Variants in AK8 observed in about 807,000 individuals in gnomAD.
AK8 encodes adenylate kinase 8, also known as ATP-AMP transphosphorylase 8.
Under a neutral mutation model 54.6 loss-of-function variants are expected in AK8, and 44 were observed. The observed-to-expected ratio is 0.81, with a 90% CI of 0.63 to 1.04. AK8 has a LOEUF of 1.04. AK8 is among the 50% of genes least tolerant of loss of function. AK8 has a pLI of 0.00. For missense variants in AK8, 555 were observed against 613.6 expected (o/e 0.90, Z 1.01); for synonymous variants, 239 against 245.6 (o/e 0.97, Z 0.25).
chr9:132,855,097 C>A (rs964832451), intron 4 of AK8, among the ~76,000 whole-genome samples, 172 bp from the exon 5 acceptor site: 1 of 152,114 alleles, frequency 6.6e-6, no homozygotes, highest in South Asian at 2.1e-4. Flanking sequence ...TCTTCTCCCC[C>A]CAGCATCTTT....
intron 5 of AK8, among the ~76,000 whole-genome samples, chr9:132,848,372 T>A (rs1018595293): frequency 2.0e-5 from 3 of 152,054 alleles, no homozygotes; most frequent in Non-Finnish European, 2.9e-5. Context: ...GTAAAAGAGG[T>A]GGGAAACCTT....
intron 9 of AK8, among the ~76,000 whole-genome samples, chr9:132,816,771 C>A (rs1402700456): frequency 6.6e-6 from 1 of 152,164 alleles, no homozygotes; most frequent in Non-Finnish European, 1.5e-5. Flanking sequence ...CATAGTCATC[C>A]TGGATTTCTA....
intron 2 of AK8, among the ~76,000 whole-genome samples, chr9:132,869,934 C>A (rs1001249306): frequency 6.6e-6 from 1 of 152,156 alleles, no homozygotes; most frequent in African/African-American, 2.4e-5. Context: ...AACCTGGGTC[C>A]ACTCATGCAC....
At chr9:132,752,473 T>G (rs1837980538) in intron 11 of AK8, among the ~76,000 whole-genome samples, 1 of 152,066 alleles carries the variant, frequency 6.6e-6, no homozygotes, top group Non-Finnish European at 1.5e-5. Flanking sequence ...ATGGTCTCGA[T>G]CTCCTGACCT....
chr9:132,828,604 C>T, intron 6 of AK8, 41 bp downstream of exon 6: 2 of 1,576,382 alleles, frequency 1.3e-6, no homozygotes, highest in Non-Finnish European at 1.7e-6. Flanking sequence ...CCCCTTGGGG[C>T]TGCAGCTCTG....
chr9:132,726,063 T>G (rs1836552351), intron 12 of AK8, 138 bp from the exon 13 acceptor site: 1 of 698,666 alleles, frequency 1.4e-6, no homozygotes, highest in South Asian at 1.8e-5. Context: ...TACTGTGTAC[T>G]GCTGTGTGCA....
At chr9:132,745,064 T>G (rs935478969) in intron 11 of AK8, among the ~76,000 whole-genome samples, 1 of 152,170 alleles carries the variant, frequency 6.6e-6, no homozygotes, top group African/African-American at 2.4e-5. Flanking sequence ...CCCCCACCTA[T>G]TTCCCCTTCT....
rs1294171736 is a variant in AK8 at position 132,828,627 on chromosome 9, C to A, written c.484+18G>T. ...GGCTGCAGCTCTGGCAGGTGGGGGACCCTTGGGAGCTACTCACTGACGTGT... is the reference window on the plus strand; with the variant it reads ...GGCTGCAGCTCTGGCAGGTGGGGGAACCTTGGGAGCTACTCACTGACGTGT... On this transcript the variant is annotated intron_variant, in intron 6 of 12. Transcript: ENST00000298545. 2 of 1,606,264 alleles carry A rather than the reference C, an allele frequency of 1.2e-6. No homozygotes were observed. Among genetic ancestry groups the A allele is most frequent in the East Asian group, 4.5e-5 (2 of 44,744 alleles).
chr9:132,786,723 G>A (rs1353538668), intron 11 of AK8, among the ~76,000 whole-genome samples: 4 of 152,018 alleles, frequency 2.6e-5, no homozygotes, highest in Non-Finnish European at 5.9e-5. Context: ...ATTCTTAGAC[G>A]TGAGCAAACA....
chr9:132,735,673 C>T (rs111782178), intron 11 of AK8, among the ~76,000 whole-genome samples: 3 of 152,196 alleles, frequency 2.0e-5, no homozygotes, highest in East Asian at 1.9e-4. Flanking sequence ...GCTGGCTCCT[C>T]GAAAAATTAA....
chr9:132,741,614 G>A (rs143948036), intron 11 of AK8, among the ~76,000 whole-genome samples: 57 of 152,280 alleles, frequency 3.7e-4, no homozygotes, highest in African/African-American at 1.1e-3. Flanking sequence ...CTGAAGCATC[G>A]TGAGGGTCTT....
intron 11 of AK8, among the ~76,000 whole-genome samples, chr9:132,771,780 C>G (rs1838990662): frequency 6.6e-6 from 1 of 152,092 alleles, no homozygotes; most frequent in South Asian, 2.1e-4. Context: ...ACGGAGCTTC[C>G]TTTCAGAGCC....
At chr9:132,846,042 T>C (rs1842736791) in intron 5 of AK8, among the ~76,000 whole-genome samples, 1 of 152,212 alleles carries the variant, frequency 6.6e-6, no homozygotes, top group Non-Finnish European at 1.5e-5. Flanking sequence ...ACACAGACGA[T>C]CACTGGCAGC....
At chr9:132,839,013 C>T (rs1401640479) in intron 5 of AK8, among the ~76,000 whole-genome samples, 1 of 151,060 alleles carries the variant, frequency 6.6e-6, no homozygotes, top group Non-Finnish European at 1.5e-5. Context: ...GGTGTGATCT[C>T]GGCTCATTGC....
chr9:132,754,845 G>C (rs1838112693), intron 11 of AK8, among the ~76,000 whole-genome samples: 1 of 150,842 alleles, frequency 6.6e-6, no homozygotes, highest in Non-Finnish European at 1.5e-5. Flanking sequence ...TGTTGCCGAG[G>C]CTGGAGTACA....
At chr9:132,744,064 C>G (rs906630957) in intron 11 of AK8, among the ~76,000 whole-genome samples, 3 of 152,260 alleles carry the variant, frequency 2.0e-5, no homozygotes, top group Admixed American at 2.0e-4. Context: ...CTTATGTGCC[C>G]CCACTCTCCC....
rs1362797509 is a variant in AK8, at chr9:132,863,705, T to C, written c.293A>G (p.Tyr98Cys). The C allele has an allele frequency of 6.2e-7, 1 of 1,614,078 alleles. No homozygotes were observed. Among genetic ancestry groups the C allele is most frequent in the South Asian group, 1.1e-5 (1 of 91,074 alleles). ...AAGCCTTCTGGCTTCGGTGGCCGTA[T>C]AGGAAAACTCATTTAAGATCAGGTT... ...LENLILNEFSYTATEARRLYL... is the reference protein window; with the variant it reads ...LENLILNEFSCTATEARRLYL... The change falls in exon 4 of 13, where the codon TAT becomes TGT. Residue 98 changes from tyrosine (Y) to cysteine (C), a missense_variant. Coordinates refer to ENST00000298545, the MANE Select transcript of AK8 (RefSeq NM_152572.3).
intron 4 of AK8, among the ~76,000 whole-genome samples, chr9:132,861,157 C>A (rs1843372054): frequency 6.6e-6 from 1 of 152,210 alleles, no homozygotes; most frequent in African/African-American, 2.4e-5. Flanking sequence ...CCCCAGCATC[C>A]TGGGGCACCA....
chr9:132,741,568 G>T (rs557187003), intron 11 of AK8, among the ~76,000 whole-genome samples: 1 of 152,204 alleles, frequency 6.6e-6, no homozygotes, highest in South Asian at 2.1e-4. Flanking sequence ...TCCAGAAAGA[G>T]CTCAGCTGTA....
Sources: gnomAD v4.1 joint callset for allele counts (sites outside exome capture counted in the v4.1 genomes callset) on GRCh38, gnomAD v4.1.1 for gene constraint, MANE v1.5 for transcripts, NCBI Gene and HGNC (gene_info 2026-07-23, HGNC 2026-07-21) for gene names.